The following DYRK1A variants were observed in gnomAD, a reference collection of about 807,000 sequenced individuals.
The protein encoded by DYRK1A is dual specificity tyrosine-phosphorylation-regulated kinase 1A.
A neutral mutation model predicts 79.7 loss-of-function variants in DYRK1A; 9 were observed. That is an observed-to-expected ratio of 0.11 (90% confidence interval 0.07 to 0.20). The LOEUF is 0.20. Among genes scored for constraint, DYRK1A ranks in the 10% least tolerant of loss-of-function variants. DYRK1A has a pLI of 1.00. For missense variants in DYRK1A, 622 were observed against 956.0 expected, an observed-to-expected ratio of 0.65 and a Z score of 4.61; for synonymous variants, 349 against 329.7, an observed-to-expected ratio of 1.06 and a Z score of -0.63.
At chr21:37,392,754 A>T (rs1441994026) in intron 1 of DYRK1A, among the ~76,000 whole-genome samples, 1 of 152,250 alleles carries the variant, frequency 6.6e-6, no homozygotes, top group African/African-American at 2.4e-5. Context: ...GCTGTAACAA[A>T]ACACAGGTTA....
chr21:37,391,324 C>T (rs925208733), intron 1 of DYRK1A, among the ~76,000 whole-genome samples: 1 of 150,914 alleles, frequency 6.6e-6, no homozygotes, highest in African/African-American at 2.4e-5. Context: ...GCATCTTCAA[C>T]TGTAGACACT....
intron 2 of DYRK1A, among the ~76,000 whole-genome samples, chr21:37,471,063 A>C (rs2052205588): frequency 6.6e-6 from 1 of 152,240 alleles, no homozygotes. Flanking sequence ...TTGACATTCC[A>C]GCTTCAGCAG....
intron 9 of DYRK1A, 130 bp from the exon 10 acceptor site, chr21:37,505,153 A>T: frequency 2.8e-6 from 2 of 719,248 alleles, no homozygotes; most frequent in Admixed American, 2.9e-5. Flanking sequence ...AAGGCAGAGG[A>T]TTTAACTATG....
intron 5 of DYRK1A, among the ~76,000 whole-genome samples, chr21:37,484,239 G>GA (rs937397293): frequency 2.0e-5 from 3 of 151,666 alleles, no homozygotes; most frequent in Non-Finnish European, 2.9e-5. Context: ...CCCTGGCCGT[G>GA]AAAAAATTGA....
intron 2 of DYRK1A, among the ~76,000 whole-genome samples, chr21:37,440,009 T>A (rs1317694500): frequency 6.6e-6 from 1 of 151,992 alleles, no homozygotes; most frequent in Non-Finnish European, 1.5e-5. Flanking sequence ...TTGTTTAGAA[T>A]TTTTATATCT....
In DYRK1A at chr21:37,437,457, A is replaced by C. The variant is rs190557395; in HGVS notation, c.10+17073A>C. ...GGTTTTGAATGGGTTAAAAGTTTTT[A>C]AAACAGCTTTATTGTGTTATAATTG... On this transcript the variant is annotated intron_variant, in intron 2 of 11. Transcript: ENST00000647188. Among the ~76,000 whole-genome samples the C allele has an allele frequency of 9.9e-5, 15 of 152,264 alleles. No individual in the cohort carries two copies. The East Asian group carries it at 2.3e-3, about 23-fold the overall frequency.
chr21:37,366,018 T>C (rs1226236681), upstream of DYRK1A: 2 of 152,084 alleles, frequency 1.3e-5, no homozygotes, highest in Admixed American at 6.5e-5. Context: ...CCGGAATTCC[T>C]GCGATGTCTG....
rs1165706278 is a variant in DYRK1A, at chr21:37,468,114, C to CT, written c.11-4561dup. ...TACATGGAATAGCCAAACTTACTTA[C>CT]TTTTTTTTTCTTTTAGAGGTAAGGT... is the stretch of plus-strand genomic sequence containing the variant. On this transcript the variant is annotated intron_variant, in intron 2 of 11. Transcript: ENST00000647188. 4.6e-5 allele frequency among the ~76,000 whole-genome samples: 7 copies of CT among 151,714 alleles called. No individual in the cohort carries two copies. In the South Asian group the frequency reaches 6.3e-4, roughly 14 times the overall value.
At chr21:37,406,559 G>A (rs2050149174) in intron 1 of DYRK1A, among the ~76,000 whole-genome samples, 1 of 151,976 alleles carries the variant, frequency 6.6e-6, no homozygotes, top group African/African-American at 2.4e-5. Flanking sequence ...GCCAGGTGTG[G>A]TGGCACATGC....
rs532050035 is a variant in DYRK1A at position 37,401,369 on chromosome 21, AT to A, written c.-76-18922del. ...ACGTGTGTATTAATTTTAATATTTG[AT>A]TTTTTTTCTTGAACCTGCCTGTTTT... is the stretch of plus-strand genomic sequence containing the variant. On this transcript the variant is annotated intron_variant, in intron 1 of 11. Coordinates refer to ENST00000647188, the MANE Select transcript of DYRK1A (RefSeq NM_001347721.2). Among the ~76,000 whole-genome samples the A allele has an allele frequency of 1.6e-4, 24 of 150,422 alleles. No individual in the cohort carries two copies. In the South Asian group the frequency reaches 2.5e-3, roughly 16 times the overall value.
At chr21:37,386,735 A>G (rs1337679911) in intron 1 of DYRK1A, among the ~76,000 whole-genome samples, 1 of 152,178 alleles carries the variant, frequency 6.6e-6, no homozygotes, top group African/African-American at 2.4e-5. Flanking sequence ...TTGGTAGCAC[A>G]GTGATGTCTT....
intron 1 of DYRK1A, among the ~76,000 whole-genome samples, chr21:37,413,098 G>A (rs1362246073): frequency 6.6e-6 from 1 of 152,162 alleles, no homozygotes; most frequent in Non-Finnish European, 1.5e-5. Flanking sequence ...TACATTTTAA[G>A]AATTTTTAAG....
intron 11 of DYRK1A, among the ~76,000 whole-genome samples, chr21:37,508,259 A>C (rs1306627436): frequency 6.6e-6 from 1 of 152,186 alleles, no homozygotes; most frequent in African/African-American, 2.4e-5. Context: ...AGCTTTCACT[A>C]AAGTGGTCTG....
At chr21:37,447,273 G>C (rs1432780565) in intron 2 of DYRK1A, among the ~76,000 whole-genome samples, 1 of 151,738 alleles carries the variant, frequency 6.6e-6, no homozygotes, top group Non-Finnish European at 1.5e-5. Flanking sequence ...GTTATAGTTG[G>C]GGGGAAAGTG....
At chr21:37,398,350 A>T (rs892750868) in intron 1 of DYRK1A, among the ~76,000 whole-genome samples, 4 of 151,720 alleles carry the variant, frequency 2.6e-5, no homozygotes, top group Non-Finnish European at 4.4e-5. Context: ...TCTTAAAAAA[A>T]AAAAAATAAA....
At chr21:37,424,995 A>G (rs894990987) in intron 2 of DYRK1A, among the ~76,000 whole-genome samples, 1 of 152,246 alleles carries the variant, frequency 6.6e-6, no homozygotes, top group Non-Finnish European at 1.5e-5. Flanking sequence ...GTAGTATTGT[A>G]TACTTGGTGG....
chr21:37,502,389 TTA>T (rs2053476346), intron 9 of DYRK1A: 1 of 152,216 alleles, frequency 6.6e-6, no homozygotes, highest in Non-Finnish European at 1.5e-5. Context: ...GCATTTTATT[TTA>T]TCTCTTGTAC....
rs2148669805 is a variant in DYRK1A at position 37,516,698 on chromosome 21, T to C, written c.*4167T>C. On this transcript the variant is annotated 3_prime_UTR_variant, in exon 12 of 12. Transcript: ENST00000647188. ...TAAGTGGCTCATCGCTTGGTGTGTT[T>C]GGCTCTCTTTGGCATTATGCATAGC... 6.6e-6 allele frequency: 1 copy of C among 152,282 alleles called. No homozygotes were observed. Among genetic ancestry groups the C allele is most frequent in the African/African-American group, 2.4e-5 (1 of 41,554 alleles). 9.4% of individuals were successfully genotyped at this position (152,282 alleles called of 1,614,324 possible).
chr21:37,505,771 A>G (rs2053578111), intron 10 of DYRK1A, among the ~76,000 whole-genome samples, 182 bp downstream of exon 10: 1 of 152,232 alleles, frequency 6.6e-6, no homozygotes, highest in African/African-American at 2.4e-5. Flanking sequence ...TTAGTTACGC[A>G]TGTAATAAAA....
Sources: allele counts gnomAD v4.1 joint callset (sites outside exome capture counted in the v4.1 genomes callset), GRCh38; gene constraint gnomAD v4.1.1; transcripts MANE v1.5; gene names NCBI Gene and HGNC (gene_info 2026-07-23, HGNC 2026-07-21).